CNTN5: variants seen among roughly 807,000 people sequenced by gnomAD.
The protein encoded by CNTN5 is contactin-5.
CNTN5 carries 77 observed loss-of-function variants against 129.1 expected under a neutral mutation model. The observed-to-expected ratio is 0.60, with a 90% CI of 0.50 to 0.72. The LOEUF (loss-of-function observed/expected upper bound fraction) is 0.72, where lower values mean the gene tolerates loss of function less well. Among genes scored for constraint, CNTN5 ranks in the 30% least tolerant of loss-of-function variants. The probability of loss-of-function intolerance (pLI) is 0.00; values close to 1 mark genes in which losing one functional copy is unlikely to be tolerated. For missense variants in CNTN5, 1,478 were observed against 1,328.8 expected (o/e 1.11, Z -1.75); for synonymous variants, 509 against 465.6 (o/e 1.09, Z -1.20).
intron 7 of CNTN5, among the ~76,000 whole-genome samples, chr11:99,956,264 C>T (rs1251987295): frequency 6.6e-6 from 1 of 151,754 alleles, no homozygotes; most frequent in African/African-American, 2.4e-5. Context: ...CTCTGAAAGT[C>T]CCAATGAACT....
chr11:99,117,614 T>A (rs572600379), intron 1 of CNTN5, among the ~76,000 whole-genome samples: 64 of 152,318 alleles, frequency 4.2e-4, no homozygotes, highest in African/African-American at 1.4e-3. Flanking sequence ...CCAAAATTCA[T>A]AGGTAGAAGC....
chr11:99,877,624 A>G (rs910734698), intron 6 of CNTN5, among the ~76,000 whole-genome samples: 2 of 152,002 alleles, frequency 1.3e-5, no homozygotes, highest in African/African-American at 2.4e-5. Flanking sequence ...AAAAAAAATA[A>G]GGAAAGTGCT....
intron 1 of CNTN5, among the ~76,000 whole-genome samples, chr11:99,109,644 A>G (rs10501902): frequency 0.089 from 13,502 of 152,124 alleles, 761 homozygotes; most frequent in Non-Finnish European, 0.13. Context: ...CGTTAGAAGC[A>G]GAGGTAATAG....
intron 13 of CNTN5, among the ~76,000 whole-genome samples, chr11:100,132,846 CAAAT>C (rs765526898): frequency 2.6e-4 from 39 of 151,966 alleles, no homozygotes; most frequent in African/African-American, 9.2e-4. Flanking sequence ...CTTGAGAAAG[CAAAT>C]ATTTATGATT....
intron 1 of CNTN5, among the ~76,000 whole-genome samples, chr11:99,129,496 C>T (rs1858822664): frequency 6.6e-6 from 1 of 152,090 alleles, no homozygotes; most frequent in African/African-American, 2.4e-5. Flanking sequence ...ACTGAAGTAC[C>T]TGAAAGAGAC....
At chr11:99,263,411 C>T (rs1024518192) in intron 1 of CNTN5, among the ~76,000 whole-genome samples, 2 of 151,936 alleles carry the variant, frequency 1.3e-5, no homozygotes, top group African/African-American at 4.8e-5. Flanking sequence ...CACTAATATG[C>T]CTAAAATTGT....
intron 15 of CNTN5, among the ~76,000 whole-genome samples, chr11:100,219,888 A>C (rs1949224009): frequency 6.6e-6 from 1 of 152,218 alleles, no homozygotes; most frequent in African/African-American, 2.4e-5. Flanking sequence ...CAATATTAAA[A>C]CCCATATCAT....
chr11:99,373,010 C>T lies in CNTN5; in HGVS notation c.-71+47526C>T, dbSNP rs190041986. On this transcript the variant is annotated intron_variant, in intron 2 of 24. Transcript: ENST00000524871. ...GATCACCTGAGGTCAGGAGTTTGAGCCCAGACTGGCCAACTTGGTAAAACC... is the reference window on the plus strand; with the variant it reads ...GATCACCTGAGGTCAGGAGTTTGAGTCCAGACTGGCCAACTTGGTAAAACC... Among the ~76,000 whole-genome samples, 114 of 150,064 alleles carry T rather than the reference C, an allele frequency of 7.6e-4. 1 individual carries two copies. Among genetic ancestry groups the T allele is most frequent in the Admixed American group, 1.5e-3 (23 of 15,106 alleles).
intron 1 of CNTN5, among the ~76,000 whole-genome samples, chr11:99,235,865 A>T (rs2135742280): frequency 6.6e-6 from 1 of 152,310 alleles, no homozygotes; most frequent in African/African-American, 2.4e-5. Context: ...GCAGAAAATC[A>T]AATTAGGATT....
chr11:99,580,331 G>T (rs527284454), intron 3 of CNTN5, among the ~76,000 whole-genome samples: 72 of 152,260 alleles, frequency 4.7e-4, no homozygotes, highest in African/African-American at 1.1e-3. Context: ...GTATCAGGAT[G>T]ATGCTGGCCT....
At chr11:99,551,887 A>G (rs1948495913) in intron 2 of CNTN5, among the ~76,000 whole-genome samples, 1 of 151,976 alleles carries the variant, frequency 6.6e-6, no homozygotes, top group South Asian at 2.1e-4. Context: ...TAGTATGAAA[A>G]TCTAAGAAAC....
At chr11:100,288,740 G>A (rs1212985953) in intron 18 of CNTN5, among the ~76,000 whole-genome samples, 1 of 151,566 alleles carries the variant, frequency 6.6e-6, no homozygotes, top group Non-Finnish European at 1.5e-5. Context: ...CTAGCAGAAG[G>A]CAAGAAATAA....
At chr11:99,662,055 T>G (rs1952613806) in intron 3 of CNTN5, among the ~76,000 whole-genome samples, 3 of 152,266 alleles carry the variant, frequency 2.0e-5, no homozygotes, top group African/African-American at 7.2e-5. Context: ...TTATCCAAGT[T>G]TTTCAATATC....
At chr11:100,322,621 T>C (rs1464272537) in intron 21 of CNTN5, among the ~76,000 whole-genome samples, 2 of 152,210 alleles carry the variant, frequency 1.3e-5, no homozygotes, top group African/African-American at 4.8e-5. Flanking sequence ...TTGGGTCTGT[T>C]ATGAATAACA....
intron 1 of CNTN5, among the ~76,000 whole-genome samples, chr11:99,125,255 C>A (rs1281860957): frequency 6.6e-6 from 1 of 151,924 alleles, no homozygotes; most frequent in African/African-American, 2.4e-5. Flanking sequence ...AAAGCTAATG[C>A]ATCATGATCA....
intron 3 of CNTN5, among the ~76,000 whole-genome samples, chr11:99,716,278 C>T (rs1199675903): frequency 2.0e-5 from 3 of 151,970 alleles, no homozygotes; most frequent in African/African-American, 7.2e-5. Context: ...AGATACTTTC[C>T]AATTTTTCTT....
chr11:99,186,741 A>G (rs1858373251), intron 1 of CNTN5, among the ~76,000 whole-genome samples: 1 of 151,960 alleles, frequency 6.6e-6, no homozygotes, highest in South Asian at 2.1e-4. Flanking sequence ...CTCAATCTGT[A>G]AAATAAGACC....
At chr11:99,524,896 T>C (rs1010339242) in intron 2 of CNTN5, among the ~76,000 whole-genome samples, 2 of 152,176 alleles carry the variant, frequency 1.3e-5, no homozygotes, top group South Asian at 2.1e-4. Flanking sequence ...TCCATCTTTT[T>C]CCCCTAATTT....
In CNTN5 at chr11:100,224,983, T is replaced by A. The variant is rs1949341723; in HGVS notation, c.2005+171T>A. The stretch of plus-strand genomic sequence containing the variant: ...CCTTTGAAAAAATTACATGGAAAAC[T>A]CCTCCTTAGTAACAGATGAAAACCA... On this transcript the variant is annotated intron_variant, in intron 16 of 24. Transcript: ENST00000524871. 11 of 566,502 alleles carry A rather than the reference T, an allele frequency of 1.9e-5. No homozygotes were observed. The South Asian group carries it at 4.4e-4, about 22-fold the overall frequency. The allele number at this position is 566,502 out of a possible 1,614,324, so 35.1% of individuals were successfully genotyped here.
Sources: allele counts gnomAD v4.1 joint callset (sites outside exome capture counted in the v4.1 genomes callset), GRCh38; gene constraint gnomAD v4.1.1; transcripts MANE v1.5; gene names NCBI Gene and HGNC (gene_info 2026-07-23, HGNC 2026-07-21).